The following INPP5F variants were observed in gnomAD, a reference collection of about 807,000 sequenced individuals.
INPP5F encodes the protein phosphatidylinositide 4-phosphatase SAC2.
A neutral mutation model predicts 137.2 loss-of-function variants in INPP5F; 97 were observed. The observed-to-expected ratio is 0.71, with a 90% CI of 0.60 to 0.84. The LOEUF (loss-of-function observed/expected upper bound fraction) is 0.84, where lower values mean the gene tolerates loss of function less well. INPP5F is among the 40% of genes least tolerant of loss of function. INPP5F has a pLI of 0.00. For synonymous variants in INPP5F, 504 were observed against 476.9 expected, an observed-to-expected ratio of 1.06 and a Z score of -0.74; for missense variants, 1,271 against 1,371.9, an observed-to-expected ratio of 0.93 and a Z score of 1.16.
chr10:119,819,826 A>G, intron 15 of INPP5F: 1 of 276,682 alleles, frequency 3.6e-6, no homozygotes. Flanking sequence ...ACTGCAGTTT[A>G]AGATTATGGT....
chr10:119,806,109 T>C (rs951219958), intron 11 of INPP5F, among the ~76,000 whole-genome samples: 1 of 151,994 alleles, frequency 6.6e-6, no homozygotes, highest in Non-Finnish European at 1.5e-5. Context: ...CTAGTAGTTA[T>C]AGGACTTGGC....
rs898967415 is a variant in INPP5F at position 119,787,719 on chromosome 10, G to A, written c.316-3798G>A. ...GCTTAGAGAATAAGCATTTTTTAAA[G>A]TAGATCAGACTGAAGCCAGAGGCCT... On this transcript the variant is annotated intron_variant, in intron 3 of 19. Coordinates refer to ENST00000650623, the MANE Select transcript of INPP5F (RefSeq NM_014937.4). The surrounding 1 kb of genome is among the most constrained non-coding windows in gnomAD (Gnocchi z 4.1). Among the ~76,000 whole-genome samples, 1 of 152,108 alleles carries A rather than the reference G, an allele frequency of 6.6e-6. No homozygotes were observed. Among genetic ancestry groups the A allele is most frequent in the Non-Finnish European group, 1.5e-5 (1 of 68,020 alleles).
chr10:119,765,089 C>T (rs534737145), intron 2 of INPP5F, among the ~76,000 whole-genome samples: 170 of 152,058 alleles, frequency 1.1e-3, no homozygotes, highest in African/African-American at 3.8e-3. Flanking sequence ...CCTACCACCA[C>T]GCCCAGCTAA....
In INPP5F at chr10:119,781,729, G is replaced by C. The variant is rs370800381; in HGVS notation, c.273G>C (p.Val91=). 1.9e-6 allele frequency: 3 copies of C among 1,610,552 alleles called. No individual in the cohort carries two copies. In the East Asian group the frequency reaches 6.7e-5, roughly 36 times the overall value. Residue 91 remains valine, a synonymous_variant, in exon 3 of 20, where the codon GTG becomes GTC. Coordinates refer to ENST00000650623, the MANE Select transcript of INPP5F (RefSeq NM_014937.4). ...HEVCKVTKIA[V]LSLSEMEPQD... is the part of the protein sequence containing the mutation. ...TCTGTAAAGTTACCAAAATTGCTGT[G>C]CTCTCACTTTCTGAAATGGAACCTC...
intron 2 of INPP5F, among the ~76,000 whole-genome samples, chr10:119,756,451 C>A (rs1279760301): frequency 1.3e-5 from 2 of 151,926 alleles, no homozygotes; most frequent in Non-Finnish European, 2.9e-5. Flanking sequence ...GCCTGGCTAA[C>A]ATGGTGAAAC....
intron 19 of INPP5F, among the ~76,000 whole-genome samples, chr10:119,825,426 G>A (rs959957863): frequency 6.6e-6 from 1 of 152,090 alleles, no homozygotes; most frequent in African/African-American, 2.4e-5. Flanking sequence ...ATCCCTCTAG[G>A]TGTGTTTAAA....
At chr10:119,741,042 T>C in intron 1 of INPP5F, among the ~76,000 whole-genome samples, 1 of 152,210 alleles carries the variant, frequency 6.6e-6, no homozygotes, top group Middle Eastern at 3.2e-3. Flanking sequence ...CTAAGTTAGA[T>C]GGAATTCTGT....
At chr10:119,762,803 C>T (rs1025992687) in intron 2 of INPP5F, among the ~76,000 whole-genome samples, 1 of 152,102 alleles carries the variant, frequency 6.6e-6, no homozygotes, top group Non-Finnish European at 1.5e-5. Context: ...AATTTGTGGG[C>T]ACATAAACAT....
intron 2 of INPP5F, among the ~76,000 whole-genome samples, chr10:119,770,881 A>G (rs117673713): frequency 0.017 from 2,634 of 152,290 alleles, 34 homozygotes; most frequent in Non-Finnish European, 0.026. Context: ...TAAGACTCCT[A>G]ACAAGTTCTT....
chr10:119,823,749 T>C, intron 18 of INPP5F, 66 bp from the exon 19 acceptor site: 1 of 1,245,896 alleles, frequency 8.0e-7, no homozygotes, highest in Non-Finnish European at 1.2e-6. Context: ...GCTAAATGGG[T>C]TAGAACTGCT....
chr10:119,820,787 T>C (rs1031672025), intron 15 of INPP5F, 59 bp from the exon 16 acceptor site: 3 of 1,398,958 alleles, frequency 2.1e-6, no homozygotes, highest in Admixed American at 3.4e-5. Context: ...AGAAATATGC[T>C]TGGCAAAAAA....
chr10:119,809,807 T>A (rs918166418), intron 13 of INPP5F, among the ~76,000 whole-genome samples: 3 of 152,252 alleles, frequency 2.0e-5, no homozygotes, highest in Non-Finnish European at 4.4e-5. Context: ...TGTCATATAA[T>A]TTGTTTTGAC....
Position 119,827,500 on chromosome 10 carries a change from C to G in INPP5F, c.3119C>G (p.Pro1040Arg). The change falls in exon 20 of 20, where the codon CCC becomes CGC. Residue 1040 changes from proline to arginine, a missense_variant. Pro to Arg is a moderately radical substitution (Grantham distance 103). Coordinates refer to ENST00000650623, the MANE Select transcript of INPP5F (RefSeq NM_014937.4). ...PAHSVASQKT[P>R]TSASSMLELE... The stretch of plus-strand genomic sequence containing the variant: ...CATTCAGTTGCATCTCAAAAAACCC[C>G]CACCTCCGCTTCCAGCATGCTTGAA... The G allele has an allele frequency of 6.2e-7, 1 of 1,614,172 alleles. No individual in the cohort carries two copies. Among genetic ancestry groups the G allele is most frequent in the Non-Finnish European group, 8.5e-7 (1 of 1,180,022 alleles).
At chr10:119,796,680 G>C (rs1241638045) in intron 6 of INPP5F, 35 bp from the exon 7 acceptor site, 9 of 1,516,214 alleles carry the variant, frequency 5.9e-6, no homozygotes, top group African/African-American at 1.4e-5. Context: ...GTGCTGTACA[G>C]AATAGAAACG....
rs764806966 is a variant in INPP5F, at chr10:119,823,104, TCTC to T, written c.2069_2071del (p.Ser690del). The T allele has an allele frequency of 5.0e-6, 8 of 1,614,006 alleles. No homozygotes were observed. Among genetic ancestry groups the T allele is most frequent in the Non-Finnish European group, 5.9e-6 (7 of 1,179,938 alleles). ...CCCACTCTTTTTGGTAAGCCAAAGT[TCTC>T]CTGCATGCGACTGCACTACAGATAC... On this transcript the variant is annotated inframe_deletion, in exon 18 of 20. Transcript: ENST00000650623.
At chr10:119,762,742 A>G (rs1488663839) in intron 2 of INPP5F, among the ~76,000 whole-genome samples, 1 of 152,176 alleles carries the variant, frequency 6.6e-6, no homozygotes, top group Non-Finnish European at 1.5e-5. Context: ...TTTGGTATCT[A>G]TAGGGGGTTC....
intron 1 of INPP5F, among the ~76,000 whole-genome samples, chr10:119,740,359 T>G (rs1848337998): frequency 6.6e-6 from 1 of 152,222 alleles, no homozygotes; most frequent in Non-Finnish European, 1.5e-5. Context: ...ATGCCCAGTT[T>G]TATGCTGTAT....
rs769309085 is a variant in INPP5F, at chr10:119,805,401, A to C, written c.1259A>C (p.Glu420Ala). 3 of 1,612,556 alleles carry C rather than the reference A, an allele frequency of 1.9e-6. No individual in the cohort carries two copies. In the Admixed American group the frequency reaches 5.0e-5, roughly 27 times the overall value. Reference protein sequence around the residue: ...FHEHCRGMKFENVQTLTDAIY... With the variant: ...FHEHCRGMKFANVQTLTDAIY... Reference sequence around the variant, plus strand: ...GATTTTAGCCGAGGAATGAAGTTTGAGAATGTTCAGACACTAACAGATGCC... The same window carrying C: ...GATTTTAGCCGAGGAATGAAGTTTGCGAATGTTCAGACACTAACAGATGCC... The change falls in exon 11 of 20, where the codon GAG becomes GCG. Residue 420 changes from glutamate to alanine, a missense_variant. Physicochemically the swap from Glu to Ala is moderately radical, Grantham distance 107 (BLOSUM62 -1). This residue lies in a region of INPP5F where 593 missense variants were observed against 712.4 expected (regional missense o/e 0.83). Transcript: ENST00000650623.
At chr10:119,823,990 G>T in intron 19 of INPP5F, 88 bp downstream of exon 19, 2 of 929,822 alleles carry the variant, frequency 2.2e-6, no homozygotes, top group African/African-American at 1.6e-5. Flanking sequence ...AAGGGGAGGA[G>T]ATCACATTAT....
Sources: allele counts gnomAD v4.1 joint callset (sites outside exome capture counted in the v4.1 genomes callset), GRCh38; gene constraint gnomAD v4.1.1; regional missense constraint gnomAD v4.1.1; non-coding constraint Gnocchi (gnomAD v3.1); transcripts MANE v1.5; gene names NCBI Gene and HGNC (gene_info 2026-07-23, HGNC 2026-07-21).